Variants in BMPR1B observed in about 807,000 individuals in gnomAD.
BMPR1B encodes bone morphogenetic protein receptor type 1B.
Under a neutral mutation model 59.1 loss-of-function variants are expected in BMPR1B, and 12 were observed. That is an observed-to-expected ratio of 0.20 (90% confidence interval 0.13 to 0.33). The LOEUF (loss-of-function observed/expected upper bound fraction) is 0.33. Ranked by LOEUF, BMPR1B falls within the 10% of genes least tolerant of loss-of-function variation. The probability of loss-of-function intolerance (pLI) is 1.00; values close to 1 mark genes in which losing one functional copy is unlikely to be tolerated. For missense variants in BMPR1B, 550 were observed against 610.9 expected, an observed-to-expected ratio of 0.90 and a Z score of 1.05; for synonymous variants, 237 against 207.3, an observed-to-expected ratio of 1.14 and a Z score of -1.23.
chr4:94,938,817 G>T (rs1729409655), intron 2 of BMPR1B, among the ~76,000 whole-genome samples: 1 of 152,152 alleles, frequency 6.6e-6, no homozygotes, highest in South Asian at 2.1e-4. Context: ...ATCAGCCTGG[G>T]CAACACTGCC....
chr4:94,827,134 T>G (rs11097441), intron 1 of BMPR1B, among the ~76,000 whole-genome samples: 76,786 of 151,786 alleles, frequency 0.51, 20,648 homozygotes, highest in African/African-American at 0.7. Flanking sequence ...TCCTCATTCC[T>G]CATCCCCCTC....
chr4:94,799,769 C>T (rs950620906), intron 1 of BMPR1B, among the ~76,000 whole-genome samples: 4 of 152,146 alleles, frequency 2.6e-5, no homozygotes, highest in Middle Eastern at 3.4e-3. Flanking sequence ...CGGCTCACTG[C>T]AACCTGTGCC....
chr4:94,812,047 G>A (rs1723837832), intron 1 of BMPR1B, among the ~76,000 whole-genome samples: 1 of 152,150 alleles, frequency 6.6e-6, no homozygotes. Flanking sequence ...TCTAGAGAAT[G>A]TTTGAAGACT....
intron 2 of BMPR1B, among the ~76,000 whole-genome samples, chr4:94,898,461 C>G (rs1399137166): frequency 1.3e-5 from 2 of 151,944 alleles, no homozygotes; most frequent in Admixed American, 6.6e-5. Context: ...CCATGCTGTT[C>G]TTGGGGATAG....
intron 2 of BMPR1B, among the ~76,000 whole-genome samples, chr4:94,957,291 T>C (rs1240833508): frequency 2.0e-5 from 3 of 150,960 alleles, no homozygotes; most frequent in Non-Finnish European, 4.4e-5. Context: ...GGTTTCCACT[T>C]TATGGACACA....
At chr4:94,791,281 G>A (rs561785675) in intron 1 of BMPR1B, among the ~76,000 whole-genome samples, 7 of 152,166 alleles carry the variant, frequency 4.6e-5, no homozygotes, top group South Asian at 2.1e-4. Context: ...GAGCCAACCC[G>A]TCCAGCCACC....
intron 2 of BMPR1B, among the ~76,000 whole-genome samples, chr4:94,959,912 A>T (rs1730287966): frequency 6.6e-6 from 1 of 152,162 alleles, no homozygotes; most frequent in Admixed American, 6.6e-5. Context: ...GCCCTTTAAA[A>T]ATTAGTGTTC....
intron 1 of BMPR1B, among the ~76,000 whole-genome samples, chr4:94,856,189 T>G (rs1725749056): frequency 6.6e-6 from 1 of 152,182 alleles, no homozygotes; most frequent in Admixed American, 6.5e-5. Context: ...GTTGTTGTTG[T>G]TTTTTTGATA....
intron 1 of BMPR1B, among the ~76,000 whole-genome samples, chr4:94,848,005 G>A (rs947915294): frequency 6.6e-6 from 1 of 152,038 alleles, no homozygotes; most frequent in Non-Finnish European, 1.5e-5. Context: ...ATTATGTATT[G>A]AGTGCCTGCA....
At chr4:94,902,826 G>A (rs985027662) in intron 2 of BMPR1B, among the ~76,000 whole-genome samples, 1 of 151,914 alleles carries the variant, frequency 6.6e-6, no homozygotes, top group Non-Finnish European at 1.5e-5. Flanking sequence ...TTTAATGATG[G>A]AATGGTTGAG....
intron 3 of BMPR1B, among the ~76,000 whole-genome samples, chr4:95,080,405 TTTGTATTTTTAGTGGAGA>T (rs1369660256): frequency 6.6e-6 from 1 of 152,090 alleles, no homozygotes; most frequent in African/African-American, 2.4e-5. Context: ...TCGGCTAATT[TTTGTATTTTTAGTGGAGA>T]TGGAGTTTCA....
intron 1 of BMPR1B, among the ~76,000 whole-genome samples, chr4:94,771,811 C>T (rs1483511249): frequency 6.6e-6 from 1 of 152,118 alleles, no homozygotes; most frequent in African/African-American, 2.4e-5. Context: ...GCCCAGGTAA[C>T]TTGCTAACGG....
At chr4:95,117,329 G>T (rs1485023923) in intron 6 of BMPR1B, among the ~76,000 whole-genome samples, 1 of 152,152 alleles carries the variant, frequency 6.6e-6, no homozygotes, top group Non-Finnish European at 1.5e-5. Context: ...CACAGCACCG[G>T]AAAGTTTATT....
intron 3 of BMPR1B, among the ~76,000 whole-genome samples, chr4:95,045,427 G>T (rs774983061): frequency 6.6e-6 from 1 of 152,062 alleles, no homozygotes; most frequent in Non-Finnish European, 1.5e-5. Flanking sequence ...GGGCTACAAG[G>T]CTCTTCCTAA....
chr4:95,010,156 G>A lies in BMPR1B; in HGVS notation c.-18+14022G>A, dbSNP rs116061692. Among the ~76,000 whole-genome samples the A allele has an allele frequency of 4.6e-3, 705 of 152,194 alleles. 6 individuals are homozygous for A. Among genetic ancestry groups the A allele is most frequent in the African/African-American group, 0.016 (679 of 41,528 alleles). ...AAAATAGAAGACATAGGAGGGGCCC[G>A]TTTCAGGGTAAAGATGGGTACTTTA... On this transcript the variant is annotated intron_variant, in intron 3 of 12. Transcript: ENST00000515059.
At chr4:95,053,305 G>GTGTGTGTA (rs1437823372) in intron 3 of BMPR1B, among the ~76,000 whole-genome samples, 1 of 151,252 alleles carries the variant, frequency 6.6e-6, no homozygotes, top group African/African-American at 2.4e-5. Flanking sequence ...GTGTGTGTGT[G>GTGTGTGTA]TGTGTGTGTG....
chr4:94,862,445 C>A (rs1190772905), intron 1 of BMPR1B, among the ~76,000 whole-genome samples: 1 of 151,530 alleles, frequency 6.6e-6, no homozygotes, highest in South Asian at 2.1e-4. Context: ...GCCACTGCAC[C>A]CAGCCCCAAA....
chr4:94,905,390 A>T (rs557931958), intron 2 of BMPR1B, among the ~76,000 whole-genome samples: 1 of 152,152 alleles, frequency 6.6e-6, no homozygotes, highest in South Asian at 2.1e-4. Context: ...AGTAATGGCT[A>T]ACAATTTGAA....
At chr4:95,126,075 A>G (rs754551023) in intron 8 of BMPR1B, among the ~76,000 whole-genome samples, 11 of 152,150 alleles carry the variant, frequency 7.2e-5, no homozygotes, top group Non-Finnish European at 1.5e-4. Context: ...CTCTGTGACA[A>G]CTTCTCAGTT....
Sources: gnomAD v4.1 joint callset for allele counts (sites outside exome capture counted in the v4.1 genomes callset) on GRCh38, gnomAD v4.1.1 for gene constraint, MANE v1.5 for transcripts, NCBI Gene and HGNC (gene_info 2026-07-23, HGNC 2026-07-21) for gene names.